The following SP8 variants were observed in gnomAD, a reference collection of about 807,000 sequenced individuals.
The protein encoded by SP8 is transcription factor Sp8.
SP8 carries 7 observed loss-of-function variants against 15.3 expected under a neutral mutation model. The ratio of observed to expected loss-of-function variants is 0.46; its 90% confidence interval spans 0.26 to 0.86. The LOEUF (loss-of-function observed/expected upper bound fraction) is 0.86, where lower values mean the gene tolerates loss of function less well. Among genes scored for constraint, SP8 ranks in the 40% least tolerant of loss-of-function variants. SP8 has a pLI of 0.16. For synonymous variants in SP8, 415 were observed against 356.3 expected (o/e 1.16, Z -1.86); for missense variants, 731 against 736.4 (o/e 0.99, Z 0.09).
In SP8 at chr7:20,783,910, T is replaced by C. The variant is rs980558219; in HGVS notation, c.*380A>G. The C allele has an allele frequency of 1.7e-4, 32 of 192,496 alleles. No homozygotes were observed. Among genetic ancestry groups the C allele is most frequent in the African/African-American group, 7.9e-4 (29 of 36,662 alleles). The allele number at this position is 192,496 out of a possible 1,614,324, so 11.9% of individuals were successfully genotyped here. On this transcript the variant is annotated 3_prime_UTR_variant, in exon 2 of 2. Transcript: ENST00000418710. ...CGCTGTCTACCAGGCACTGGATTAG[T>C]CCAGCTCTACCTCCAGTGGCCGTTC...
chr7:20,784,967 CGCT>C lies in SP8; in HGVS notation c.847_849del (p.Ser283del), dbSNP rs1453661284. On this transcript the variant is annotated inframe_deletion, in exon 2 of 2. Transcript: ENST00000418710. ...GGGCTGAGCAGGTGCGAGGAGGCGC[CGCT>C]GCTGAAGGCCGAGTGACTCAGGCCC... The C allele has an allele frequency of 6.4e-7, 1 of 1,565,392 alleles. No individual in the cohort carries two copies. Among genetic ancestry groups the C allele is most frequent in the South Asian group, 1.2e-5 (1 of 86,152 alleles).
At position 20,786,539 on chromosome 7, in the gene SP8, C is replaced by G. The variant is rs376984820; in HGVS notation, c.21+239G>C. On this transcript the variant is annotated intron_variant, in intron 1 of 1. Transcript: ENST00000418710. This position sits in a 1 kb window ranked among gnomAD's most constrained non-coding sequence, Gnocchi z 4.4. ...GTCTCCCGGGCAGGGAGCAGCGAGG[C>G]GCTGCGCGGTGGCTTGTCTAAATGC... Among the ~76,000 whole-genome samples the G allele has an allele frequency of 5.3e-5, 8 of 151,968 alleles. No homozygotes were observed. Among genetic ancestry groups the G allele is most frequent in the African/African-American group, 1.9e-4 (8 of 41,358 alleles).
rs983490952 is a variant in SP8, at chr7:20,783,834, C to T, written c.*456G>A. On this transcript the variant is annotated 3_prime_UTR_variant, in exon 2 of 2. Transcript: ENST00000418710. ...CCCAGGCCTCCAGCCTCTCCCTCTC[C>T]ACCGCTCCGCTCAGGCTTGTCAGCC... 4.2e-3 allele frequency: 67 copies of T among 16,036 alleles called. No individual in the cohort carries two copies. The highest frequency in any genetic ancestry group is 0.011 in the African/African-American group (5 of 466). 1.0% of individuals were successfully genotyped at this position (16,036 alleles called of 1,614,324 possible). A position where few individuals can be genotyped will look rare whatever the true frequency, so the allele number is the denominator to read the frequency against.
chr7:20,786,103 C>A lies in SP8; in HGVS notation c.22-308G>T. On this transcript the variant is annotated intron_variant, in intron 1 of 1. Coordinates refer to ENST00000418710, the MANE Select transcript of SP8 (RefSeq NM_182700.6). This position sits in a 1 kb window ranked among gnomAD's most constrained non-coding sequence, Gnocchi z 4.4. ...ACAACACTCTCTTGCACACAAAGCCCCAGACACTTCGTAACAAACAAGCAA... is the reference window on the plus strand; with the variant it reads ...ACAACACTCTCTTGCACACAAAGCCACAGACACTTCGTAACAAACAAGCAA... 1 of 1,011,982 alleles carries A rather than the reference C, an allele frequency of 9.9e-7. No homozygotes were observed. The allele number at this position is 1,011,982 out of a possible 1,614,324, so 62.7% of individuals were successfully genotyped here. A position where few individuals can be genotyped will look rare whatever the true frequency, so the allele number is the denominator to read the frequency against.
Position 20,785,424 on chromosome 7 carries a change from T to TGCGGCGGCG in SP8, c.384_392dup (p.Ala132_Ala134dup), listed in dbSNP as rs770823639. ...CGAAGGGCGAGCTGGAGGCGGCGGCTGCGGCGGCGGCGGCGGCGGCTGCGG... is the reference window on the plus strand; with the variant it reads ...CGAAGGGCGAGCTGGAGGCGGCGGCTGCGGCGGCGGCGGCGGCGGCGGCGGCGGCTGCGG... On this transcript the variant is annotated inframe_insertion, in exon 2 of 2. Coordinates refer to ENST00000418710, the MANE Select transcript of SP8 (RefSeq NM_182700.6). The surrounding 1 kb of genome is among the most constrained non-coding windows in gnomAD (Gnocchi z 7.2). 1.2e-5 allele frequency: 14 copies of TGCGGCGGCG among 1,167,180 alleles called. No homozygotes were observed. Among genetic ancestry groups the TGCGGCGGCG allele is most frequent in the Non-Finnish European group, 1.3e-5 (12 of 933,348 alleles). The allele number at this position is 1,167,180 out of a possible 1,614,324, so 72.3% of individuals were successfully genotyped here.
In SP8 at chr7:20,784,245, C is replaced by G. The variant is rs1270425015; in HGVS notation, c.*45G>C. On this transcript the variant is annotated 3_prime_UTR_variant, in exon 2 of 2. Coordinates refer to ENST00000418710, the MANE Select transcript of SP8 (RefSeq NM_182700.6). ...TCCGGACAGACAGGGCCCAAGAGGACTTGGTGGGAGGAGGTCGGGGAGAGG... is the reference window on the plus strand; with the variant it reads ...TCCGGACAGACAGGGCCCAAGAGGAGTTGGTGGGAGGAGGTCGGGGAGAGG... 8 of 1,393,344 alleles carry G rather than the reference C, an allele frequency of 5.7e-6. No individual in the cohort carries two copies. The highest frequency in any genetic ancestry group is 1.5e-5 in the African/African-American group (1 of 65,180). 86.3% of individuals were successfully genotyped at this position (1,393,344 alleles called of 1,614,324 possible).
In SP8 at chr7:20,786,429, G is replaced by A. The variant is rs1783679523; in HGVS notation, c.21+349C>T. 6.6e-6 allele frequency among the ~76,000 whole-genome samples: 1 copy of A among 152,086 alleles called. No homozygotes were observed. The highest frequency in any genetic ancestry group is 2.4e-5 in the African/African-American group (1 of 41,416). ...CTGCAGAATTTTTTTTTAAGGGTTAGGGGAAGAATCTGCACTTTGCCCAGA... is the reference window on the plus strand; with the variant it reads ...CTGCAGAATTTTTTTTTAAGGGTTAAGGGAAGAATCTGCACTTTGCCCAGA... On this transcript the variant is annotated intron_variant, in intron 1 of 1. Coordinates refer to ENST00000418710, the MANE Select transcript of SP8 (RefSeq NM_182700.6). The surrounding 1 kb of genome is among the most constrained non-coding windows in gnomAD (Gnocchi z 4.4).
rs954394962 is a variant in SP8 at position 20,784,868 on chromosome 7, G to C, written c.949C>G (p.Leu317Val). The C allele has an allele frequency of 9.8e-6, 15 of 1,526,488 alleles. No individual in the cohort carries two copies. The highest frequency in any genetic ancestry group is 1.3e-5 in the Non-Finnish European group (15 of 1,143,204). The allele number at this position is 1,526,488 out of a possible 1,614,324, so 94.6% of individuals were successfully genotyped here. A position where few individuals can be genotyped will look rare whatever the true frequency, so the allele number is the denominator to read the frequency against. The part of the protein sequence containing the change: ...GSYPDSAPSP[L>V]AGAGGSMLSA... The stretch of plus-strand genomic sequence containing the variant: ...AACATGGAGCCCCCCGCGCCGGCCA[G>C]CGGCGACGGGGCCGAGTCCGGGTAG... The change falls in exon 2 of 2, where the codon CTG (leucine) becomes GTG (valine). Residue 317 changes from leucine to valine, a missense_variant. By Grantham distance (32) the Leu-to-Val change is conservative. Transcript: ENST00000418710.
chr7:20,784,384 G>C lies in SP8; in HGVS notation c.1433C>G (p.Thr478Ser). 1 of 1,527,064 alleles carries C rather than the reference G, an allele frequency of 6.5e-7. No individual in the cohort carries two copies. The highest frequency in any genetic ancestry group is 1.2e-5 in the South Asian group (1 of 83,104). 94.6% of individuals were successfully genotyped at this position (1,527,064 alleles called of 1,614,324 possible). ...GCCCGCGGCGCTGTGCTCGCTGTCG[G>C]TGTCGCTGCCCTTCTTGCCGCCGCT... ...SGSGGKKGSD[T>S]DSEHSAAGSP... The change falls in exon 2 of 2, where the codon ACC (threonine) becomes AGC (serine). Residue 478 changes from threonine (T) to serine (S), a missense_variant. This residue lies in a region of SP8 where 114 missense variants were observed against 111.9 expected (regional missense o/e 1.02). Transcript: ENST00000418710.
chr7:20,784,414 G>C lies in SP8; in HGVS notation c.1403C>G (p.Ser468Trp). The C allele has an allele frequency of 6.5e-7, 1 of 1,529,248 alleles. No homozygotes were observed. The highest frequency in any genetic ancestry group is 8.7e-7 in the Non-Finnish European group (1 of 1,143,042). 94.7% of individuals were successfully genotyped at this position (1,529,248 alleles called of 1,614,324 possible). A position where few individuals can be genotyped will look rare whatever the true frequency, so the allele number is the denominator to read the frequency against. The stretch of plus-strand genomic sequence containing the variant: ...GCTGCCCTTCTTGCCGCCGCTGCCC[G>C]AGCCCGCCGAGCCGCCGCCGCCGCC... ...GGGGGGGSAGSGSGGKKGSDT... is the reference protein window; with the variant it reads ...GGGGGGGSAGWGSGGKKGSDT... Residue 468 changes from serine to tryptophan, a missense_variant, in exon 2 of 2, where the codon TCG becomes TGG. Ser to Trp is a radical substitution (Grantham distance 177). Transcript: ENST00000418710.
chr7:20,785,321 AGCCGCCGCCGCCGCCCCC>A lies in SP8; in HGVS notation c.478_495del (p.Gly160_Gly165del), dbSNP rs751892578. The stretch of plus-strand genomic sequence containing the variant: ...GAGCCGTCCTGCGAGTGCGCGGAGG[AGCCGCCGCCGCCGCCCCC>A]GCCGCCGCCGCCGCTGCCCCCGGAA... On this transcript the variant is annotated inframe_deletion, in exon 2 of 2. Coordinates refer to ENST00000418710, the MANE Select transcript of SP8 (RefSeq NM_182700.6). The surrounding 1 kb of genome is among the most constrained non-coding windows in gnomAD (Gnocchi z 7.2). The A allele has an allele frequency of 3.1e-5, 46 of 1,487,966 alleles. No individual in the cohort carries two copies. Among genetic ancestry groups the A allele is most frequent in the Admixed American group, 4.6e-5 (2 of 43,102 alleles). The allele number at this position is 1,487,966 out of a possible 1,614,324, so 92.2% of individuals were successfully genotyped here.
rs374349221 is a variant in SP8, at chr7:20,786,805, A to G, written c.-7T>C. ...CTAGAAGTGAAGTTGCCATCACACA[A>G]AAGTGCCCTCCTCCTCTCAGAGGAT... On this transcript the variant is annotated 5_prime_UTR_variant, in exon 1 of 2. Transcript: ENST00000418710. The surrounding 1 kb of genome is among the most constrained non-coding windows in gnomAD (Gnocchi z 4.4). 1.2e-6 allele frequency: 2 copies of G among 1,612,152 alleles called. No individual in the cohort carries two copies. Among genetic ancestry groups the G allele is most frequent in the East Asian group, 2.2e-5 (1 of 44,882 alleles).
In SP8 at chr7:20,785,514, C is replaced by T. The variant is rs1240106511; in HGVS notation, c.303G>A (p.Val101=). Residue 101 remains valine (V), a synonymous_variant, in exon 2 of 2, where the codon GTG becomes GTA. Coordinates refer to ENST00000418710, the MANE Select transcript of SP8 (RefSeq NM_182700.6). The surrounding 1 kb of genome is among the most constrained non-coding windows in gnomAD (Gnocchi z 7.2). ...AGCCGCCGCAGCTGAACGAGTCGGA[C>T]ACCAGGGCCGCGGCAGCCGCGGCTG... is the stretch of plus-strand genomic sequence containing the variant. ...AAAAAAAAAL[V]SDSFSCGGSP... 13 of 1,465,220 alleles carry T rather than the reference C, an allele frequency of 8.9e-6. No individual in the cohort carries two copies. The highest frequency in any genetic ancestry group is 3.0e-5 in the African/African-American group (2 of 66,654). 90.8% of individuals were successfully genotyped at this position (1,465,220 alleles called of 1,614,324 possible).
rs1783671758 is a variant in SP8, at chr7:20,786,093, A to G, written c.22-298T>C. ...CTCACCTAAAACAACACTCTCTTGC[A>G]CACAAAGCCCCAGACACTTCGTAAC... On this transcript the variant is annotated intron_variant, in intron 1 of 1. Transcript: ENST00000418710. The surrounding 1 kb of genome is among the most constrained non-coding windows in gnomAD (Gnocchi z 4.4). 2.6e-6 allele frequency: 3 copies of G among 1,149,186 alleles called. No homozygotes were observed. In the South Asian group the frequency reaches 7.2e-5, roughly 28 times the overall value. 71.2% of individuals were successfully genotyped at this position (1,149,186 alleles called of 1,614,324 possible). A position where few individuals can be genotyped will look rare whatever the true frequency, so the allele number is the denominator to read the frequency against.
In SP8 at chr7:20,784,380, G is replaced by C. The variant is rs571375213; in HGVS notation, c.1437C>G (p.Asp479Glu). 6.6e-7 allele frequency: 1 copy of C among 1,526,712 alleles called. No homozygotes were observed. The highest frequency in any genetic ancestry group is 2.5e-5 in the East Asian group (1 of 40,188). 94.6% of individuals were successfully genotyped at this position (1,526,712 alleles called of 1,614,324 possible). A position where few individuals can be genotyped will look rare whatever the true frequency, so the allele number is the denominator to read the frequency against. ...GGCTGCCCGCGGCGCTGTGCTCGCTGTCGGTGTCGCTGCCCTTCTTGCCGC... is the reference window on the plus strand; with the variant it reads ...GGCTGCCCGCGGCGCTGTGCTCGCTCTCGGTGTCGCTGCCCTTCTTGCCGC... ...GSGGKKGSDT[D>E]SEHSAAGSPP... Residue 479 changes from aspartate (D) to glutamate (E), a missense_variant, in exon 2 of 2, where the codon GAC becomes GAG. By Grantham distance (45) the Asp-to-Glu change is conservative (BLOSUM62 2). Around this residue, in one of 3 missense-constraint regions of SP8, gnomAD observed 114 missense variants for 111.9 expected, o/e 1.02. Coordinates refer to ENST00000418710, the MANE Select transcript of SP8 (RefSeq NM_182700.6).
rs977938933 is a variant in SP8, at chr7:20,784,322, G to A, written c.1495C>T (p.Pro499Ser). The change falls in exon 2 of 2, where the codon CCC becomes TCC. Residue 499 changes from proline (P) to serine (S), a missense_variant. By Grantham distance (74) the Pro-to-Ser change is moderately conservative. Coordinates refer to ENST00000418710, the MANE Select transcript of SP8 (RefSeq NM_182700.6). ...PCHSPELLQP[P>S]EPGHRNGLE ...AGGCCGTTGCGGTGCCCGGGCTCGG[G>A]GGGCTGCAGCAGCTCTGGGGAGTGG... 17 of 1,503,964 alleles carry A rather than the reference G, an allele frequency of 1.1e-5. No homozygotes were observed. The African/African-American group carries it at 1.9e-4, about 17-fold the overall frequency. The allele number at this position is 1,503,964 out of a possible 1,614,324, so 93.2% of individuals were successfully genotyped here. A position where few individuals can be genotyped will look rare whatever the true frequency, so the allele number is the denominator to read the frequency against.
rs1275152990 is a variant in SP8 at position 20,784,755 on chromosome 7, G to A, written c.1062C>T (p.Asn354=). 3.2e-6 allele frequency: 5 copies of A among 1,578,698 alleles called. No homozygotes were observed. The highest frequency in any genetic ancestry group is 2.2e-4 in the Middle Eastern group (1 of 4,468). ...GGCCCAGCCGCTCTGCCTCCTGGCAGTTGGGGCAGTCGCAGGTGGCGCGGC... is the reference window on the plus strand; with the variant it reads ...GGCCCAGCCGCTCTGCCTCCTGGCAATTGGGGCAGTCGCAGGTGGCGCGGC... ...YSGRATCDCP[N]CQEAERLGPA... Residue 354 remains asparagine, a synonymous_variant, in exon 2 of 2, where the codon AAC becomes AAT. Coordinates refer to ENST00000418710, the MANE Select transcript of SP8 (RefSeq NM_182700.6).
Position 20,785,095 on chromosome 7 carries a change from G to C in SP8, c.722C>G (p.Pro241Arg). 1 of 1,584,836 alleles carries C rather than the reference G, an allele frequency of 6.3e-7. No homozygotes were observed. The highest frequency in any genetic ancestry group is 8.5e-7 in the Non-Finnish European group (1 of 1,170,958). The change falls in exon 2 of 2, where the codon CCG (proline) becomes CGG (arginine). Residue 241 changes from proline to arginine, a missense_variant. By Grantham distance (103) the Pro-to-Arg change is moderately radical. Coordinates refer to ENST00000418710, the MANE Select transcript of SP8 (RefSeq NM_182700.6). The surrounding 1 kb of genome is among the most constrained non-coding windows in gnomAD (Gnocchi z 7.2). The stretch of plus-strand genomic sequence containing the variant: ...GCCGGGCAGCGCAGCCGCGCTGTTC[G>C]GGTTCTGCACGTCGATCCAGCCGGC... ...VGAGWIDVQNPNSAAALPGSL... is the reference protein window; with the variant it reads ...VGAGWIDVQNRNSAAALPGSL...
Position 20,785,339 on chromosome 7 carries a change from C to A in SP8, c.478G>T (p.Gly160Trp), listed in dbSNP as rs1389181991. The A allele has an allele frequency of 8.0e-7, 1 of 1,244,476 alleles. No individual in the cohort carries two copies. Among genetic ancestry groups the A allele is most frequent in the Non-Finnish European group, 1.1e-6 (1 of 945,242 alleles). 77.1% of individuals were successfully genotyped at this position (1,244,476 alleles called of 1,614,324 possible). The change falls in exon 2 of 2, where the codon GGG becomes TGG. Residue 160 changes from glycine to tryptophan, a missense_variant. By Grantham distance (184) the Gly-to-Trp change is radical (BLOSUM62 -2). Transcript: ENST00000418710. The surrounding 1 kb of genome is among the most constrained non-coding windows in gnomAD (Gnocchi z 7.2). ...GCGGAGGAGCCGCCGCCGCCGCCCC[C>A]GCCGCCGCCGCCGCTGCCCCCGGAA... ...GVSGGSGGGG[G>W]GGGGGSSAHS...
Sources: gnomAD v4.1 joint callset for allele counts (sites outside exome capture counted in the v4.1 genomes callset) on GRCh38, gnomAD v4.1.1 for gene constraint, gnomAD v4.1.1 regional missense constraint, Gnocchi (gnomAD v3.1) non-coding constraint, MANE v1.5 for transcripts, NCBI Gene and HGNC (gene_info 2026-07-23, HGNC 2026-07-21) for gene names.